INTS2: variants seen among roughly 807,000 people sequenced by gnomAD.
The protein encoded by INTS2 is integrator complex subunit 2.
INTS2 carries 57 observed loss-of-function variants against 139.6 expected under a neutral mutation model. The ratio of observed to expected loss-of-function variants is 0.41; its 90% confidence interval spans 0.33 to 0.51. INTS2 has a LOEUF of 0.51. Ranked by LOEUF, INTS2 falls within the 20% of genes least tolerant of loss-of-function variation. INTS2 has a pLI of 0.28. For synonymous variants in INTS2, 473 were observed against 493.4 expected, an observed-to-expected ratio of 0.96 and a Z score of 0.55; for missense variants, 1,196 against 1,436.7, an observed-to-expected ratio of 0.83 and a Z score of 2.71.
chr17:61,869,411 G>T lies in INTS2; in HGVS notation c.3031-31C>A. 1 of 1,335,760 alleles carries T rather than the reference G, an allele frequency of 7.5e-7. No individual in the cohort carries two copies. Among genetic ancestry groups the T allele is most frequent in the African/African-American group, 1.5e-5 (1 of 68,232 alleles). The allele number at this position is 1,335,760 out of a possible 1,614,324, so 82.7% of individuals were successfully genotyped here. ...TCAACAAGAAACGGGAAAAAAGTCA[G>T]AAATAAAATAACTATAAAAGTACAG... On this transcript the variant is annotated intron_variant, in intron 21 of 24. Coordinates refer to ENST00000251334, the MANE Select transcript of INTS2 (RefSeq NM_001351695.2). This position sits in a 1 kb window ranked among gnomAD's most constrained non-coding sequence, Gnocchi z 5.4.
intron 9 of INTS2, among the ~76,000 whole-genome samples, chr17:61,902,872 A>C (rs1227184759): frequency 4.0e-5 from 6 of 151,358 alleles, no homozygotes; most frequent in Non-Finnish European, 8.9e-5. Context: ...AAAAAAAAAA[A>C]AAAAAAAACA....
intron 14 of INTS2, 111 bp from the exon 15 acceptor site, chr17:61,890,005 T>C (rs192155418): frequency 1.5e-6 from 1 of 670,522 alleles, no homozygotes; most frequent in East Asian, 2.9e-5. Context: ...TGCTCCTAAC[T>C]CAGGTAAAAC....
At position 61,891,586 on chromosome 17, in the gene INTS2, T is replaced by C. The variant is rs777813167; in HGVS notation, c.1802A>G (p.Lys601Arg). The C allele has an allele frequency of 1.2e-6, 2 of 1,613,816 alleles. No homozygotes were observed. The highest frequency in any genetic ancestry group is 1.7e-6 in the Non-Finnish European group (2 of 1,179,780). ...YINSILTPAS[K>R]SNPEATNQPV... Reference sequence around the variant, plus strand: ...CTGATTTGTGGCTTCTGGATTAGATTTCGACGCAGGAGTAAGTATAGAATT... The same window carrying C: ...CTGATTTGTGGCTTCTGGATTAGATCTCGACGCAGGAGTAAGTATAGAATT... The change falls in exon 14 of 25, where the codon AAA (lysine) becomes AGA (arginine). Residue 601 changes from lysine (K) to arginine (R), a missense_variant. Lys to Arg is a conservative substitution (Grantham distance 26). Transcript: ENST00000251334.
chr17:61,925,195 G>T, intron 2 of INTS2, 96 bp from the exon 3 acceptor site: 1 of 1,161,150 alleles, frequency 8.6e-7, no homozygotes, highest in Non-Finnish European at 1.2e-6. Context: ...ATAAAAGGAT[G>T]TATAAAGTGT....
Position 61,869,405 on chromosome 17 carries a change from AAGTC to A in INTS2, c.3031-29_3031-26del. 2.1e-6 allele frequency: 3 copies of A among 1,399,776 alleles called. No individual in the cohort carries two copies. Among genetic ancestry groups the A allele is most frequent in the Non-Finnish European group, 3.0e-6 (3 of 1,010,212 alleles). The allele number at this position is 1,399,776 out of a possible 1,614,324, so 86.7% of individuals were successfully genotyped here. On this transcript the variant is annotated intron_variant, in intron 21 of 24. Coordinates refer to ENST00000251334, the MANE Select transcript of INTS2 (RefSeq NM_001351695.2). This position sits in a 1 kb window ranked among gnomAD's most constrained non-coding sequence, Gnocchi z 5.4. ...CCTATCTCAACAAGAAACGGGAAAA[AAGTC>A]AGAAATAAAATAACTATAAAAGTAC... is the stretch of plus-strand genomic sequence containing the variant.
In INTS2 at chr17:61,875,505, C is replaced by G. The variant is rs1009784850; in HGVS notation, c.2457-467G>C. ...CATCATAAAGTCTCCAAGTGAGATG[C>G]CACTTTGAGATTAGACATTAATAGA... On this transcript the variant is annotated intron_variant, in intron 18 of 24. Transcript: ENST00000251334. The surrounding 1 kb of genome is among the most constrained non-coding windows in gnomAD (Gnocchi z 4.6). Among the ~76,000 whole-genome samples the G allele has an allele frequency of 2.0e-5, 3 of 152,070 alleles. No individual in the cohort carries two copies. Among genetic ancestry groups the G allele is most frequent in the Non-Finnish European group, 4.4e-5 (3 of 68,016 alleles).
chr17:61,926,647 T>C lies in INTS2; in HGVS notation c.-3A>G, dbSNP rs776003306. On this transcript the variant is annotated 5_prime_UTR_variant, in exon 2 of 25. Coordinates refer to ENST00000251334, the MANE Select transcript of INTS2 (RefSeq NM_001351695.2). ...TGAAGACTTGTACATTCAGTCATTATTACTGTTTGTTGATCCTAATGGTAA... is the reference window on the plus strand; with the variant it reads ...TGAAGACTTGTACATTCAGTCATTACTACTGTTTGTTGATCCTAATGGTAA... 3 of 1,603,552 alleles carry C rather than the reference T, an allele frequency of 1.9e-6. No homozygotes were observed. The highest frequency in any genetic ancestry group is 2.2e-5 in the East Asian group (1 of 44,730).
rs943506280 is a variant in INTS2, at chr17:61,879,071, CTTTTTTTTTTTTTTT to C, written c.2255-998_2255-984del. On this transcript the variant is annotated intron_variant, in intron 17 of 24. Coordinates refer to ENST00000251334, the MANE Select transcript of INTS2 (RefSeq NM_001351695.2). ...GTCTTGCTATGTTGCCCAGGCTGGTCTTTTTTTTTTTTTTTTTTTTTTTTTTTTTCCCTCTTGCCT... is the reference window on the plus strand; with the variant it reads ...GTCTTGCTATGTTGCCCAGGCTGGTCTTTTTTTTTTTTTTCCCTCTTGCCT... Among the ~76,000 whole-genome samples the C allele has an allele frequency of 6.2e-3, 213 of 34,444 alleles. 2 individuals are homozygous for C. Among genetic ancestry groups the C allele is most frequent in the African/African-American group, 0.027 (203 of 7,486 alleles). 22.6% of individuals were successfully genotyped at this position (34,444 alleles called of 152,430 possible).
chr17:61,922,990 T>C (rs1240199551), intron 3 of INTS2, among the ~76,000 whole-genome samples: 1 of 151,200 alleles, frequency 6.6e-6, no homozygotes, highest in East Asian at 2.0e-4. Flanking sequence ...GGCAGGAGAA[T>C]CGCTTTAACC....
At position 61,872,336 on chromosome 17, in the gene INTS2, C is replaced by G. The variant is rs771042031; in HGVS notation, c.2707G>C (p.Gly903Arg). The change falls in exon 20 of 25, where the codon GGT becomes CGT. Residue 903 changes from glycine to arginine, a missense_variant. This residue lies in a region of INTS2 where 1,129 missense variants were observed against 1,341.9 expected (regional missense o/e 0.84). Coordinates refer to ENST00000251334, the MANE Select transcript of INTS2 (RefSeq NM_001351695.2). The surrounding 1 kb of genome is among the most constrained non-coding windows in gnomAD (Gnocchi z 4.8). ...GGAGCATCAGTTTGTCCAACTAAACCAATTGTATTATTCTGGGAAGGCCTA... is the reference window on the plus strand; with the variant it reads ...GGAGCATCAGTTTGTCCAACTAAACGAATTGTATTATTCTGGGAAGGCCTA... ...QDRPSQNNTI[G>R]LVGQTDAPEV... 1.9e-6 allele frequency: 3 copies of G among 1,613,106 alleles called. No homozygotes were observed. The highest frequency in any genetic ancestry group is 2.5e-6 in the Non-Finnish European group (3 of 1,179,340).
intron 3 of INTS2, 120 bp from the exon 4 acceptor site, chr17:61,921,947 A>G (rs2079646200): frequency 1.8e-6 from 1 of 563,714 alleles, no homozygotes; most frequent in Non-Finnish European, 3.2e-6. Context: ...AATATACCAC[A>G]GCAGAATATG....
Position 61,915,796 on chromosome 17 carries a change from C to T in INTS2, c.649+3604G>A, listed in dbSNP as rs150680436. Among the ~76,000 whole-genome samples the T allele has an allele frequency of 1.5e-3, 195 of 125,926 alleles. 3 individuals are homozygous for T. The East Asian group carries it at 0.035, about 22-fold the overall frequency. 82.6% of individuals were successfully genotyped at this position (125,926 alleles called of 152,430 possible). A position where few individuals can be genotyped will look rare whatever the true frequency, so the allele number is the denominator to read the frequency against. On this transcript the variant is annotated intron_variant, in intron 5 of 24. Coordinates refer to ENST00000251334, the MANE Select transcript of INTS2 (RefSeq NM_001351695.2). Reference sequence around the variant, plus strand: ...AGTGAGCCGAGATTGTGCCACTGGGCGACAGAGCAAGACTCTGTCTAAAAA... The same window carrying T: ...AGTGAGCCGAGATTGTGCCACTGGGTGACAGAGCAAGACTCTGTCTAAAAA...
At chr17:61,895,701 T>C (rs1425899482) in intron 11 of INTS2, among the ~76,000 whole-genome samples, 1 of 152,164 alleles carries the variant, frequency 6.6e-6, no homozygotes, top group Non-Finnish European at 1.5e-5. Context: ...TATGTGTGTG[T>C]CTGTGTCTGT....
chr17:61,887,771 G>A (rs1186015150), intron 15 of INTS2, among the ~76,000 whole-genome samples: 1 of 152,024 alleles, frequency 6.6e-6, no homozygotes, highest in Non-Finnish European at 1.5e-5. Context: ...AGAAAATCCA[G>A]GCCGGGTGTG....
Position 61,907,619 on chromosome 17 carries a change from T to C in INTS2, c.970A>G (p.Ser324Gly). ...CTCATCTGCCAAAGGACAGAACTGC[T>C]GGTCTCTCTTTTTCTCTGAAAGAAA... is the stretch of plus-strand genomic sequence containing the variant. ...RNGQQRKRET[S>G]SSVLWQMRRQ... The change falls in exon 8 of 25, where the codon AGC becomes GGC. Residue 324 changes from serine to glycine, a missense_variant. By Grantham distance (56) the Ser-to-Gly change is moderately conservative (BLOSUM62 0). Transcript: ENST00000251334. 1 of 1,582,422 alleles carries C rather than the reference T, an allele frequency of 6.3e-7. No individual in the cohort carries two copies. The highest frequency in any genetic ancestry group is 8.6e-7 in the Non-Finnish European group (1 of 1,162,946).
chr17:61,884,213 G>A (rs994528031), intron 16 of INTS2, among the ~76,000 whole-genome samples: 3 of 152,014 alleles, frequency 2.0e-5, no homozygotes, highest in Admixed American at 6.6e-5. Flanking sequence ...AGGGGAGGCC[G>A]GGCATGGTGG....
rs1166281495 is a variant in INTS2, at chr17:61,927,678, C to G, written c.-43G>C. On this transcript the variant is annotated 5_prime_UTR_variant, in exon 1 of 25. Transcript: ENST00000251334. ...CCTTAAGATCTACCCTCCAGCCTCA[C>G]GGAACCGCACACGGACTCCGCGTCC... 4 of 1,424,546 alleles carry G rather than the reference C, an allele frequency of 2.8e-6. No individual in the cohort carries two copies. Among genetic ancestry groups the G allele is most frequent in the Non-Finnish European group, 2.7e-6 (3 of 1,092,894 alleles). 88.2% of individuals were successfully genotyped at this position (1,424,546 alleles called of 1,614,324 possible). A position where few individuals can be genotyped will look rare whatever the true frequency, so the allele number is the denominator to read the frequency against.
chr17:61,868,939 G>T lies in INTS2; in HGVS notation c.3244+95C>A. 1.4e-6 allele frequency: 1 copy of T among 733,286 alleles called. No homozygotes were observed. The highest frequency in any genetic ancestry group is 2.4e-6 in the Non-Finnish European group (1 of 422,714). The allele number at this position is 733,286 out of a possible 1,614,324, so 45.4% of individuals were successfully genotyped here. On this transcript the variant is annotated intron_variant, in intron 23 of 24. Transcript: ENST00000251334. The surrounding 1 kb of genome is among the most constrained non-coding windows in gnomAD (Gnocchi z 4.7). ...ACATATTGTATCATACTGTCTCAGA[G>T]TGACAGAAAAAACATATTGCATCAC...
At chr17:61,916,466 A>C (rs545419618) in intron 5 of INTS2, among the ~76,000 whole-genome samples, 6 of 152,292 alleles carry the variant, frequency 3.9e-5, no homozygotes, top group Admixed American at 3.9e-4. Flanking sequence ...GGACCAATGC[A>C]ACAGAATAGA....
Sources: gnomAD v4.1 joint callset for allele counts (sites outside exome capture counted in the v4.1 genomes callset) on GRCh38, gnomAD v4.1.1 for gene constraint, gnomAD v4.1.1 regional missense constraint, Gnocchi (gnomAD v3.1) non-coding constraint, MANE v1.5 for transcripts, NCBI Gene and HGNC (gene_info 2026-07-23, HGNC 2026-07-21) for gene names.